Variants in SGCZ observed in about 807,000 individuals in gnomAD.
SGCZ encodes zeta-sarcoglycan.
In SGCZ, 40 loss-of-function variants were observed where a neutral mutation model predicts 41.3. That is an observed-to-expected ratio of 0.97 (90% CI 0.75 to 1.26). SGCZ has a LOEUF of 1.26. SGCZ is among the 50% of genes most tolerant of loss of function. SGCZ has a pLI of 0.00. For missense variants in SGCZ, 552 were observed against 369.8 expected (o/e 1.49, Z -4.04); for synonymous variants, 206 against 137.5 (o/e 1.50, Z -3.49).
chr8:14,361,315 T>C (rs894096785), intron 2 of SGCZ, among the ~76,000 whole-genome samples: 2 of 152,224 alleles, frequency 1.3e-5, no homozygotes, highest in African/African-American at 4.8e-5. Flanking sequence ...CACTTTCAGG[T>C]ACAGCAATCA....
intron 1 of SGCZ, among the ~76,000 whole-genome samples, chr8:14,636,674 G>A (rs965407628): frequency 5.3e-5 from 8 of 151,780 alleles, no homozygotes; most frequent in Non-Finnish European, 1.0e-4. Context: ...AGTATCAGAA[G>A]CTCAGGAAGG....
At chr8:15,146,095 T>C (rs888100098) in intron 1 of SGCZ, among the ~76,000 whole-genome samples, 4 of 151,846 alleles carry the variant, frequency 2.6e-5, no homozygotes, top group South Asian at 2.1e-4. Context: ...AAATGATTCA[T>C]AAATCTGAGC....
At chr8:14,451,192 C>A (rs1484533124) in intron 2 of SGCZ, among the ~76,000 whole-genome samples, 1 of 152,218 alleles carries the variant, frequency 6.6e-6, no homozygotes, top group African/African-American at 2.4e-5. Flanking sequence ...AACCGTAAAC[C>A]ATTTGAAGAG....
At chr8:14,810,431 A>C (rs908323923) in intron 1 of SGCZ, among the ~76,000 whole-genome samples, 18 of 151,996 alleles carry the variant, frequency 1.2e-4, no homozygotes, top group African/African-American at 4.3e-4. Context: ...TGATTTTTTT[A>C]ACCAAATACT....
At chr8:14,978,324 T>C (rs925686495) in intron 1 of SGCZ, among the ~76,000 whole-genome samples, 1 of 138,174 alleles carries the variant, frequency 7.2e-6, no homozygotes, top group East Asian at 2.1e-4. Context: ...AAAAAATTAG[T>C]TGGGCGTGGT....
intron 1 of SGCZ, among the ~76,000 whole-genome samples, chr8:15,075,132 T>G (rs1209975279): frequency 9.1e-6 from 1 of 109,436 alleles, no homozygotes; most frequent in African/African-American, 3.9e-5. Flanking sequence ...TAAATAAACA[T>G]CTTTCTTTAT....
chr8:14,772,521 G>C (rs767100111), intron 1 of SGCZ, among the ~76,000 whole-genome samples: 29 of 150,210 alleles, frequency 1.9e-4, no homozygotes, highest in South Asian at 4.2e-4. Context: ...CTGCTGTGCT[G>C]CACCCATTAA....
At chr8:14,634,522 T>C (rs550250654) in intron 1 of SGCZ, among the ~76,000 whole-genome samples, 1 of 152,000 alleles carries the variant, frequency 6.6e-6, no homozygotes, top group African/African-American at 2.4e-5. Context: ...TCTTCTTTTA[T>C]GATATTAGTG....
At chr8:14,294,949 T>C (rs1800962642) in intron 3 of SGCZ, among the ~76,000 whole-genome samples, 1 of 152,136 alleles carries the variant, frequency 6.6e-6, no homozygotes, top group Admixed American at 6.6e-5. Context: ...GCAACAAGGA[T>C]TCTCATACAT....
intron 3 of SGCZ, among the ~76,000 whole-genome samples, chr8:14,306,445 C>G (rs367837278): frequency 2.0e-5 from 3 of 152,130 alleles, no homozygotes; most frequent in Non-Finnish European, 4.4e-5. Context: ...ATTGTAATTT[C>G]TCTGTAAAAT....
At chr8:15,019,105 C>G (rs1803152682) in intron 1 of SGCZ, among the ~76,000 whole-genome samples, 1 of 152,206 alleles carries the variant, frequency 6.6e-6, no homozygotes, top group South Asian at 2.1e-4. Context: ...TACCTCCCAG[C>G]AAGTCCCTCT....
intron 1 of SGCZ, among the ~76,000 whole-genome samples, chr8:14,989,134 G>T (rs59188000): frequency 1.3e-5 from 2 of 152,120 alleles, no homozygotes; most frequent in Non-Finnish European, 1.5e-5. Flanking sequence ...TAAGTTTATG[G>T]GATTCCCAGA....
chr8:15,087,016 T>G (rs1027253408), intron 1 of SGCZ, among the ~76,000 whole-genome samples: 4 of 152,256 alleles, frequency 2.6e-5, no homozygotes, highest in East Asian at 1.9e-4. Context: ...AACATGGGAT[T>G]TGAATTCACA....
intron 1 of SGCZ, among the ~76,000 whole-genome samples, chr8:15,194,541 G>A (rs1585661053): frequency 6.6e-6 from 1 of 152,144 alleles, no homozygotes; most frequent in Non-Finnish European, 1.5e-5. Flanking sequence ...GGAAATTATC[G>A]TGGATTACCC....
At chr8:14,519,065 T>C (rs1357251273) in intron 2 of SGCZ, among the ~76,000 whole-genome samples, 1 of 127,304 alleles carries the variant, frequency 7.9e-6, no homozygotes. Flanking sequence ...TCAGACTCTG[T>C]CTAAAAAAAA....
chr8:15,038,930 A>C (rs115394260), intron 1 of SGCZ, among the ~76,000 whole-genome samples: 4 of 152,012 alleles, frequency 2.6e-5, no homozygotes, highest in African/African-American at 4.8e-5. Flanking sequence ...ACTATAGTAA[A>C]CTACTACCTC....
chr8:14,454,582 G>A (rs1800689573), intron 2 of SGCZ, among the ~76,000 whole-genome samples: 1 of 152,068 alleles, frequency 6.6e-6, no homozygotes, highest in Admixed American at 6.6e-5. Context: ...ACAGATACGA[G>A]TAGCTCAAAA....
At chr8:14,090,738 C>T (rs976730643) in intron 7 of SGCZ, 101 bp from the exon 8 acceptor site, 1 of 1,003,548 alleles carries the variant, frequency 1.0e-6, no homozygotes, top group Non-Finnish European at 1.4e-6. Flanking sequence ...GTCGACACAA[C>T]AAACAATTCC....
At chr8:14,272,791 G>C (rs1178936872) in intron 3 of SGCZ, among the ~76,000 whole-genome samples, 2 of 152,082 alleles carry the variant, frequency 1.3e-5, no homozygotes, top group African/African-American at 4.8e-5. Context: ...TTTTGACTGT[G>C]TCAGGTTGAA....
Sources: gnomAD v4.1 joint callset for allele counts (sites outside exome capture counted in the v4.1 genomes callset) on GRCh38, gnomAD v4.1.1 for gene constraint, MANE v1.5 for transcripts, NCBI Gene and HGNC (gene_info 2026-07-23, HGNC 2026-07-21) for gene names.